The following UBE2H variants were observed in gnomAD, a reference collection of about 807,000 sequenced individuals.
UBE2H encodes the protein ubiquitin conjugating enzyme E2 H.
Under a neutral mutation model 29.0 loss-of-function variants are expected in UBE2H, and 3 were observed. The observed-to-expected ratio is 0.10, with a 90% CI of 0.05 to 0.27. UBE2H has a LOEUF of 0.27. Ranked by LOEUF, UBE2H falls within the 10% of genes least tolerant of loss-of-function variation. UBE2H has a pLI of 1.00. For synonymous variants in UBE2H, 69 were observed against 82.9 expected (o/e 0.83, Z 0.91); for missense variants, 68 against 228.2 (o/e 0.30, Z 4.52).
intron 1 of UBE2H, among the ~76,000 whole-genome samples, chr7:129,886,768 A>T (rs2466989): frequency 0.14 from 6,247 of 45,784 alleles, 347 homozygotes; most frequent in African/African-American, 0.24. Context: ...GTTTTTTGGT[A>T]AAAAAAAAAA....
intron 1 of UBE2H, among the ~76,000 whole-genome samples, chr7:129,928,025 T>TAAAAAAAAAA (rs71175049): frequency 7.8e-6 from 1 of 128,550 alleles, no homozygotes. Context: ...ATCTCAAAAT[T>TAAAAAAAAAA]AAAAAAAAAA....
At chr7:129,913,808 G>A (rs914959571) in intron 1 of UBE2H, among the ~76,000 whole-genome samples, 1 of 152,072 alleles carries the variant, frequency 6.6e-6, no homozygotes, top group Non-Finnish European at 1.5e-5. Context: ...TCTCTCAAGG[G>A]GAGAAAATGG....
intron 5 of UBE2H, among the ~76,000 whole-genome samples, chr7:129,850,124 TG>T (rs1805583254): frequency 1.3e-5 from 2 of 152,166 alleles, no homozygotes; most frequent in Admixed American, 1.3e-4. Flanking sequence ...CCTAGCACTT[TG>T]GGAGGCCCAG....
At chr7:129,914,171 A>T (rs367959768) in intron 1 of UBE2H, among the ~76,000 whole-genome samples, 3 of 145,118 alleles carry the variant, frequency 2.1e-5, no homozygotes, top group Non-Finnish European at 4.6e-5. Context: ...TCAAAAATCA[A>T]TTTTTTTTTT....
At chr7:129,902,612 G>A (rs986881992) in intron 1 of UBE2H, among the ~76,000 whole-genome samples, 5 of 152,156 alleles carry the variant, frequency 3.3e-5, no homozygotes, top group African/African-American at 1.2e-4. Context: ...CCATTTCCTA[G>A]GAAGTAGCCT....
intron 5 of UBE2H, among the ~76,000 whole-genome samples, chr7:129,843,781 G>A (rs1448342081): frequency 1.3e-5 from 2 of 152,208 alleles, no homozygotes. Flanking sequence ...CCTGCACACA[G>A]CGAACGGAAG....
intron 1 of UBE2H, among the ~76,000 whole-genome samples, chr7:129,899,022 G>A (rs543101566): frequency 6.6e-6 from 1 of 152,282 alleles, no homozygotes; most frequent in South Asian, 2.1e-4. Flanking sequence ...TGCATCTAGG[G>A]AGGATATGTT....
intron 3 of UBE2H, among the ~76,000 whole-genome samples, chr7:129,864,210 C>T (rs1276321592): frequency 6.6e-6 from 1 of 152,202 alleles, no homozygotes; most frequent in African/African-American, 2.4e-5. Flanking sequence ...CATTTACATT[C>T]TGGATAATGA....
rs2116240683 is a variant in UBE2H at position 129,831,037 on chromosome 7, G to A, written c.*3900C>T. The A allele has an allele frequency of 6.6e-6, 1 of 152,062 alleles. No homozygotes were observed. Among genetic ancestry groups the A allele is most frequent in the African/African-American group, 2.4e-5 (1 of 41,454 alleles). The allele number at this position is 152,062 out of a possible 1,614,324, so 9.4% of individuals were successfully genotyped here. ...AAGCCCACAGCCAAGATGAGTGTTA[G>A]GCTAAATTCAGAGCCCTGGCTCTTC... is the stretch of plus-strand genomic sequence containing the variant. On this transcript the variant is annotated 3_prime_UTR_variant, in exon 7 of 7. Transcript: ENST00000355621.
chr7:129,831,536 G>A lies in UBE2H; in HGVS notation c.*3401C>T, dbSNP rs1289377167. 3 of 152,210 alleles carry A rather than the reference G, an allele frequency of 2.0e-5. No individual in the cohort carries two copies. Among genetic ancestry groups the A allele is most frequent in the South Asian group, 2.1e-4 (1 of 4,828 alleles). The allele number at this position is 152,210 out of a possible 1,614,324, so 9.4% of individuals were successfully genotyped here. A position where few individuals can be genotyped will look rare whatever the true frequency, so the allele number is the denominator to read the frequency against. Reference sequence around the variant, plus strand: ...TTTGGAGGGAAAAATTCCTTTGAGAGGAGACATTCCTCAGGAGCTTAGATC... The same window carrying A: ...TTTGGAGGGAAAAATTCCTTTGAGAAGAGACATTCCTCAGGAGCTTAGATC... On this transcript the variant is annotated 3_prime_UTR_variant, in exon 7 of 7. Coordinates refer to ENST00000355621, the MANE Select transcript of UBE2H (RefSeq NM_003344.4).
At chr7:129,914,094 C>T (rs914883896) in intron 1 of UBE2H, among the ~76,000 whole-genome samples, 2 of 152,076 alleles carry the variant, frequency 1.3e-5, no homozygotes, top group Non-Finnish European at 2.9e-5. Context: ...GGCCAGACAG[C>T]CTCAGAACCA....
chr7:129,858,826 G>T, intron 4 of UBE2H, 76 bp downstream of exon 4: 3 of 1,404,630 alleles, frequency 2.1e-6, no homozygotes, highest in South Asian at 1.2e-5. Flanking sequence ...GATAACCGAG[G>T]CTTTTTATAA....
chr7:129,881,664 A>G (rs562904784), intron 1 of UBE2H, among the ~76,000 whole-genome samples: 1 of 152,218 alleles, frequency 6.6e-6, no homozygotes, highest in Admixed American at 6.5e-5. Flanking sequence ...AAAATAAAAA[A>G]TATACATGAA....
chr7:129,857,398 A>G (rs1242905133), intron 5 of UBE2H, 113 bp downstream of exon 5: 1 of 1,151,160 alleles, frequency 8.7e-7, no homozygotes, highest in Non-Finnish European at 1.2e-6. Context: ...CGGTCCCTCA[A>G]AAATCCCTTC....
intron 5 of UBE2H, among the ~76,000 whole-genome samples, chr7:129,850,367 G>GA (rs951059284): frequency 6.6e-6 from 1 of 150,756 alleles, no homozygotes; most frequent in Non-Finnish European, 1.5e-5. Flanking sequence ...CAAAAAAAAA[G>GA]AAAAAAATAA....
chr7:129,858,841 G>T, intron 4 of UBE2H, 61 bp downstream of exon 4: 1 of 1,495,284 alleles, frequency 6.7e-7, no homozygotes. Context: ...TTATAACACA[G>T]AGAAACACTA....
intron 1 of UBE2H, among the ~76,000 whole-genome samples, chr7:129,945,992 C>T (rs1422953929): frequency 6.6e-6 from 1 of 151,944 alleles, no homozygotes; most frequent in African/African-American, 2.4e-5. Context: ...GTGATCTGCC[C>T]ACCTCAGCCT....
In UBE2H at chr7:129,874,938, T is replaced by C. The variant is rs542186201; in HGVS notation, c.205+4630A>G. Among the ~76,000 whole-genome samples the C allele has an allele frequency of 3.9e-5, 6 of 152,234 alleles. No individual in the cohort carries two copies. In the South Asian group the frequency reaches 1.2e-3, roughly 32 times the overall value. On this transcript the variant is annotated intron_variant, in intron 3 of 6. Transcript: ENST00000355621. ...CAGTGTGTGCACTTATACACACACATAATTAAAATTTAAAGGAAAAAAGAA... is the reference window on the plus strand; with the variant it reads ...CAGTGTGTGCACTTATACACACACACAATTAAAATTTAAAGGAAAAAAGAA...
At chr7:129,873,551 C>A (rs2116354815) in intron 3 of UBE2H, among the ~76,000 whole-genome samples, 1 of 151,364 alleles carries the variant, frequency 6.6e-6, no homozygotes, top group South Asian at 2.1e-4. Context: ...TCTCCCACCT[C>A]AGCCTCCCGA....
Sources: gnomAD v4.1 joint callset for allele counts (sites outside exome capture counted in the v4.1 genomes callset) on GRCh38, gnomAD v4.1.1 for gene constraint, MANE v1.5 for transcripts, NCBI Gene and HGNC (gene_info 2026-07-23, HGNC 2026-07-21) for gene names.